TTC7B: variants seen among roughly 807,000 people sequenced by gnomAD.
The protein encoded by TTC7B is tetratricopeptide repeat domain 7B.
A neutral mutation model predicts 106.8 loss-of-function variants in TTC7B; 28 were observed. That is an observed-to-expected ratio of 0.26 (90% CI 0.19 to 0.36). TTC7B has a LOEUF of 0.36. Ranked by LOEUF, TTC7B falls within the 10% of genes least tolerant of loss-of-function variation. The probability of loss-of-function intolerance (pLI) is 1.00; values close to 1 mark genes in which losing one functional copy is unlikely to be tolerated. For missense variants in TTC7B, 862 were observed against 1,076.4 expected, an observed-to-expected ratio of 0.80 and a Z score of 2.79; for synonymous variants, 405 against 430.6, an observed-to-expected ratio of 0.94 and a Z score of 0.74.
intron 15 of TTC7B, among the ~76,000 whole-genome samples, chr14:90,623,477 A>G (rs895832765): frequency 6.6e-6 from 1 of 152,266 alleles, no homozygotes; most frequent in Non-Finnish European, 1.5e-5. Context: ...ATTGCCAAAT[A>G]TTTAAAACTC....
intron 17 of TTC7B, among the ~76,000 whole-genome samples, chr14:90,596,613 G>A (rs375932066): frequency 2.6e-5 from 4 of 152,148 alleles, no homozygotes; most frequent in Admixed American, 6.5e-5. Flanking sequence ...AGGCTGCTGT[G>A]AGCCTTCCAT....
At chr14:90,790,696 G>T (rs894533948) in intron 1 of TTC7B, among the ~76,000 whole-genome samples, 1 of 152,034 alleles carries the variant, frequency 6.6e-6, no homozygotes. Context: ...GGGAGATCAG[G>T]ACCCCTGCTA....
intron 5 of TTC7B, among the ~76,000 whole-genome samples, chr14:90,710,644 C>T (rs1487595082): frequency 6.6e-6 from 1 of 152,192 alleles, no homozygotes; most frequent in Non-Finnish European, 1.5e-5. Flanking sequence ...ACTTCAGCAA[C>T]CACCACCCCA....
At chr14:90,623,508 G>T (rs1332944326) in intron 15 of TTC7B, among the ~76,000 whole-genome samples, 1 of 152,212 alleles carries the variant, frequency 6.6e-6, no homozygotes, top group Admixed American at 6.5e-5. Flanking sequence ...AAAGCTCTGT[G>T]CTGGCTATGT....
At chr14:90,686,901 A>C (rs1017360165) in intron 7 of TTC7B, among the ~76,000 whole-genome samples, 1 of 152,246 alleles carries the variant, frequency 6.6e-6, no homozygotes, top group East Asian at 1.9e-4. Context: ...TCTCATGTTC[A>C]TGGATCAGAA....
chr14:90,730,273 A>G, intron 4 of TTC7B, 77 bp from the exon 5 acceptor site: 1 of 1,509,872 alleles, frequency 6.6e-7, no homozygotes, highest in Non-Finnish European at 8.8e-7. Context: ...CTCTAAATGT[A>G]CTGCTCGACC....
rs1334923190 is a variant in TTC7B at position 90,577,280 on chromosome 14, T to G, written c.2310+826A>C. Among the ~76,000 whole-genome samples the G allele has an allele frequency of 6.6e-6, 1 of 152,190 alleles. No individual in the cohort carries two copies. The highest frequency in any genetic ancestry group is 1.5e-5 in the Non-Finnish European group (1 of 68,020). ...AAGCTCCTCAGACCCTGGTAACTTGTGAGTTTCAATTCAGACCCTCGCAGG... is the reference window on the plus strand; with the variant it reads ...AAGCTCCTCAGACCCTGGTAACTTGGGAGTTTCAATTCAGACCCTCGCAGG... On this transcript the variant is annotated intron_variant, in intron 19 of 19. Transcript: ENST00000328459. The surrounding 1 kb of genome is among the most constrained non-coding windows in gnomAD (Gnocchi z 5.0).
intron 5 of TTC7B, among the ~76,000 whole-genome samples, chr14:90,712,873 T>C (rs1888501830): frequency 6.6e-6 from 1 of 152,280 alleles, no homozygotes; most frequent in South Asian, 2.1e-4. Flanking sequence ...CAAAACTTAC[T>C]ATAAAGCTAC....
chr14:90,622,941 GCCCC>G (rs979000500), intron 15 of TTC7B, among the ~76,000 whole-genome samples: 1 of 151,890 alleles, frequency 6.6e-6, no homozygotes, highest in Non-Finnish European at 1.5e-5. Context: ...CATCACCTAC[GCCCC>G]CACTCGAGCC....
intron 5 of TTC7B, chr14:90,699,219 T>C: frequency 2.2e-6 from 1 of 455,974 alleles, no homozygotes; most frequent in South Asian, 1.5e-5. Flanking sequence ...TTGCCATCTG[T>C]CCCTCTGTGA....
chr14:90,649,043 C>T (rs1334234333), intron 13 of TTC7B: 5 of 152,184 alleles, frequency 3.3e-5, no homozygotes, highest in Admixed American at 6.5e-5. Flanking sequence ...TGGCTAAAGG[C>T]CCCATGCTGG....
intron 4 of TTC7B, among the ~76,000 whole-genome samples, chr14:90,737,326 T>C (rs1889574116): frequency 2.0e-5 from 3 of 152,206 alleles, no homozygotes; most frequent in Non-Finnish European, 2.9e-5. Context: ...CAAATATTTA[T>C]AGCAGCATCA....
intron 5 of TTC7B, among the ~76,000 whole-genome samples, chr14:90,721,350 C>A: frequency 6.6e-6 from 1 of 152,164 alleles, no homozygotes; most frequent in East Asian, 1.9e-4. Flanking sequence ...CAATTCATCA[C>A]TGAAAAGAGG....
chr14:90,764,137 A>C (rs533739274), intron 3 of TTC7B, among the ~76,000 whole-genome samples: 1 of 152,220 alleles, frequency 6.6e-6, no homozygotes, highest in Non-Finnish European at 1.5e-5. Context: ...ACAGACAGAG[A>C]GTCCAGAAAT....
rs1002704469 is a variant in TTC7B, at chr14:90,792,188, C to T, written c.122-5860G>A. On this transcript the variant is annotated intron_variant, in intron 1 of 19. Coordinates refer to ENST00000328459, the MANE Select transcript of TTC7B (RefSeq NM_001010854.2). ...TAAAAACTGCTACCCAAGTGCTATG[C>T]GGATTCAGGGCCTTTGTGTTTCTCT... Among the ~76,000 whole-genome samples the T allele has an allele frequency of 4.6e-5, 7 of 152,116 alleles. No individual in the cohort carries two copies. The East Asian group carries it at 9.6e-4, about 21-fold the overall frequency.
At chr14:90,758,285 G>A (rs1333123196) in intron 3 of TTC7B, among the ~76,000 whole-genome samples, 1 of 150,294 alleles carries the variant, frequency 6.7e-6, no homozygotes, top group East Asian at 2.0e-4. Context: ...CAGTCCTGCG[G>A]CGGCACCTGC....
intron 17 of TTC7B, among the ~76,000 whole-genome samples, chr14:90,604,371 T>A (rs186753428): frequency 2.0e-5 from 3 of 152,374 alleles, no homozygotes; most frequent in African/African-American, 7.2e-5. Flanking sequence ...TATCTTCATC[T>A]TCCATTTCAT....
intron 19 of TTC7B, among the ~76,000 whole-genome samples, chr14:90,559,862 C>T (rs1890492230): frequency 6.6e-6 from 1 of 152,238 alleles, no homozygotes; most frequent in Non-Finnish European, 1.5e-5. Flanking sequence ...CTACAAACTG[C>T]CAGTGTATGG....
intron 5 of TTC7B, among the ~76,000 whole-genome samples, chr14:90,708,704 A>T (rs188817790): frequency 5.0e-4 from 76 of 152,362 alleles, no homozygotes; most frequent in African/African-American, 1.8e-3. Context: ...CACAACATCC[A>T]TTCTGTAGCC....
Sources: gnomAD v4.1 joint callset for allele counts (sites outside exome capture counted in the v4.1 genomes callset) on GRCh38, gnomAD v4.1.1 for gene constraint, Gnocchi (gnomAD v3.1) non-coding constraint, MANE v1.5 for transcripts, NCBI Gene and HGNC (gene_info 2026-07-23, HGNC 2026-07-21) for gene names.